Variants in EVA1C observed in about 807,000 individuals in gnomAD.
EVA1C encodes eva-1 homolog C, also known as protein eva-1 homolog C.
Under a neutral mutation model 45.4 loss-of-function variants are expected in EVA1C, and 25 were observed. That is an observed-to-expected ratio of 0.55 (90% CI 0.40 to 0.77). EVA1C has a LOEUF of 0.77. EVA1C is among the 30% of genes least tolerant of loss of function. The pLI is 0.00. For missense variants in EVA1C, 479 were observed against 554.8 expected (o/e 0.86, Z 1.37); for synonymous variants, 190 against 221.2 (o/e 0.86, Z 1.25).
At chr21:32,436,078 G>A (rs554120013) in intron 1 of EVA1C, among the ~76,000 whole-genome samples, 4 of 103,384 alleles carry the variant, frequency 3.9e-5, no homozygotes, top group Non-Finnish European at 6.3e-5. Context: ...TTGTTTTTTC[G>A]CCTGAGACGG....
At chr21:32,459,466 C>A (rs1434543118) in intron 3 of EVA1C, among the ~76,000 whole-genome samples, 1 of 152,182 alleles carries the variant, frequency 6.6e-6, no homozygotes, top group African/African-American at 2.4e-5. Flanking sequence ...TTGAAGACAC[C>A]CTTGACGGCC....
chr21:32,461,616 C>T (rs2035999551), intron 3 of EVA1C, among the ~76,000 whole-genome samples: 3 of 152,198 alleles, frequency 2.0e-5, no homozygotes, highest in Non-Finnish European at 4.4e-5. Flanking sequence ...GCCAGTTATG[C>T]ACATGTCTTA....
At position 32,514,799 on chromosome 21, in the gene EVA1C, C is replaced by A; in HGVS notation, c.950-15C>A. The A allele has an allele frequency of 6.5e-7, 1 of 1,529,826 alleles. No homozygotes were observed. The highest frequency in any genetic ancestry group is 8.8e-7 in the Non-Finnish European group (1 of 1,138,002). 94.8% of individuals were successfully genotyped at this position (1,529,826 alleles called of 1,614,324 possible). On this transcript the variant is annotated splice_polypyrimidine_tract_variant and intron_variant, in intron 7 of 7. Transcript: ENST00000300255. ...AGCTCCTCCCAGCTCCTGACATGTT[C>A]TCTTCCTCCTGCAGCCCACCCGGAG...
intron 1 of EVA1C, among the ~76,000 whole-genome samples, chr21:32,431,945 C>T (rs2034720861): frequency 6.6e-6 from 1 of 152,180 alleles, no homozygotes; most frequent in Admixed American, 6.5e-5. Flanking sequence ...CAATAGTGTA[C>T]ATTGGAGCAA....
intron 1 of EVA1C, among the ~76,000 whole-genome samples, chr21:32,444,076 AC>A (rs2035278664): frequency 6.9e-6 from 1 of 145,110 alleles, no homozygotes; most frequent in Non-Finnish European, 1.6e-5. Context: ...ACACACACAC[AC>A]ACACACACAC....
chr21:32,499,000 T>C (rs1056512554), intron 5 of EVA1C, among the ~76,000 whole-genome samples: 3 of 152,230 alleles, frequency 2.0e-5, no homozygotes, highest in Non-Finnish European at 4.4e-5. Flanking sequence ...CATTTTCACA[T>C]AGTAGAAGGG....
Position 32,504,013 on chromosome 21 carries a change from GA to G in EVA1C, c.948del (p.Ala317ProfsTer88), listed in dbSNP as rs772983459. The G allele has an allele frequency of 1.2e-6, 2 of 1,603,334 alleles. No individual in the cohort carries two copies. Among genetic ancestry groups the G allele is most frequent in the African/African-American group, 2.7e-5 (2 of 74,588 alleles). The part of the protein sequence containing the change: ...SNSLAAFAYI[R>X]AHPERAALLF... ...TCTCTGGCAGCCTTTGCTTACATTAGAGGTAGGTCAATGAATCAAAGCTTCC... is the reference window on the plus strand; with the variant it reads ...TCTCTGGCAGCCTTTGCTTACATTAGGGTAGGTCAATGAATCAAAGCTTCC... On this transcript the variant is annotated frameshift_variant and splice_region_variant, in exon 7 of 8. Coordinates refer to ENST00000300255, the MANE Select transcript of EVA1C (RefSeq NM_058187.5). LOFTEE classifies it high-confidence loss of function.
chr21:32,497,264 A>G lies in EVA1C; in HGVS notation c.778+2094A>G, dbSNP rs1347322406. On this transcript the variant is annotated intron_variant, in intron 5 of 7. Transcript: ENST00000300255. ...AAATGTTTTAGAAGCTTGTGAACAC[A>G]TGACATTAGATCAAAGAAAACAAAT... 19 of 757,904 alleles carry G rather than the reference A, an allele frequency of 2.5e-5. No individual in the cohort carries two copies. In the East Asian group the frequency reaches 5.3e-4, roughly 21 times the overall value. The allele number at this position is 757,904 out of a possible 1,614,324, so 46.9% of individuals were successfully genotyped here.
intron 5 of EVA1C, among the ~76,000 whole-genome samples, chr21:32,496,173 T>G (rs6517101): frequency 0.51 from 76,871 of 152,002 alleles, 22,727 homozygotes; most frequent in African/African-American, 0.8. Flanking sequence ...ACCTGCCCCA[T>G]CCCCAGGCAA....
chr21:32,476,712 CAA>C (rs1322730302), intron 4 of EVA1C, among the ~76,000 whole-genome samples: 2 of 151,984 alleles, frequency 1.3e-5, no homozygotes, highest in Non-Finnish European at 2.9e-5. Flanking sequence ...GTGATCCCCC[CAA>C]GTTATCGGTG....
intron 1 of EVA1C, among the ~76,000 whole-genome samples, chr21:32,440,363 G>GAT (rs924917802): frequency 3.3e-5 from 5 of 152,188 alleles, no homozygotes; most frequent in Admixed American, 3.3e-4. Context: ...GGTAAAGGGG[G>GAT]ATTGATCCAG....
At chr21:32,502,284 A>G (rs1175793215) in intron 6 of EVA1C, among the ~76,000 whole-genome samples, 1 of 151,814 alleles carries the variant, frequency 6.6e-6, no homozygotes, top group African/African-American at 2.4e-5. Context: ...TTTTTAGTAG[A>G]GACGGGGTTT....
intron 6 of EVA1C, among the ~76,000 whole-genome samples, chr21:32,502,016 CTTTCTTTCTTTCTT>C (rs2037557774): frequency 7.4e-6 from 1 of 135,950 alleles, no homozygotes; most frequent in South Asian, 2.4e-4. Context: ...TTCTTTCTTT[CTTTCTTTCTTTCTT>C]TCTTTCTTTC....
chr21:32,497,160 A>T lies in EVA1C; in HGVS notation c.778+1990A>T, dbSNP rs559577385. On this transcript the variant is annotated intron_variant, in intron 5 of 7. Coordinates refer to ENST00000300255, the MANE Select transcript of EVA1C (RefSeq NM_058187.5). ...ATCAAACAGGAAGTGGGAAAACTCT[A>T]TCCACTGAAGATAGTATTTGGAATG... 6 of 797,058 alleles carry T rather than the reference A, an allele frequency of 7.5e-6. No homozygotes were observed. The South Asian group carries it at 8.1e-5, about 11-fold the overall frequency. The allele number at this position is 797,058 out of a possible 1,614,324, so 49.4% of individuals were successfully genotyped here. A position where few individuals can be genotyped will look rare whatever the true frequency, so the allele number is the denominator to read the frequency against.
At chr21:32,507,809 C>CATGT (rs201659029) in intron 7 of EVA1C, among the ~76,000 whole-genome samples, 3 of 148,496 alleles carry the variant, frequency 2.0e-5, no homozygotes, top group East Asian at 4.1e-4. Flanking sequence ...TCTCTGTGTG[C>CATGT]ATGTATGTAT....
intron 1 of EVA1C, among the ~76,000 whole-genome samples, chr21:32,419,296 A>C (rs1344222450): frequency 6.6e-6 from 1 of 152,196 alleles, no homozygotes; most frequent in Non-Finnish European, 1.5e-5. Context: ...ATGTACTATG[A>C]GAGAACAATT....
intron 5 of EVA1C, among the ~76,000 whole-genome samples, chr21:32,498,932 C>G (rs2037440707): frequency 1.3e-5 from 2 of 152,170 alleles, no homozygotes; most frequent in Non-Finnish European, 2.9e-5. Context: ...AAAAATCTGA[C>G]AAGTGTGTTG....
intron 3 of EVA1C, among the ~76,000 whole-genome samples, chr21:32,461,509 T>A (rs940934908): frequency 6.6e-6 from 1 of 152,172 alleles, no homozygotes; most frequent in South Asian, 2.1e-4. Flanking sequence ...AGGCTCTTCT[T>A]CTCAATTCCC....
intron 4 of EVA1C, among the ~76,000 whole-genome samples, chr21:32,469,985 A>C (rs1338238222): frequency 6.6e-6 from 1 of 152,126 alleles, no homozygotes; most frequent in Non-Finnish European, 1.5e-5. Flanking sequence ...ATTAACCATC[A>C]CACTCCAATC....
Sources: allele counts gnomAD v4.1 joint callset (sites outside exome capture counted in the v4.1 genomes callset), GRCh38; gene constraint gnomAD v4.1.1; transcripts MANE v1.5; gene names NCBI Gene and HGNC (gene_info 2026-07-23, HGNC 2026-07-21).